The following CLSTN2 variants were observed in gnomAD, a reference collection of about 807,000 sequenced individuals.
CLSTN2 encodes the protein calsyntenin-2.
A neutral mutation model predicts 101.2 loss-of-function variants in CLSTN2; 48 were observed. The ratio of observed to expected loss-of-function variants is 0.47; its 90% CI spans 0.38 to 0.60. The LOEUF (loss-of-function observed/expected upper bound fraction) is 0.60, where lower values mean the gene tolerates loss of function less well. Among genes scored for constraint, CLSTN2 ranks in the 20% least tolerant of loss-of-function variants. The pLI, the probability that CLSTN2 is intolerant of heterozygous loss-of-function variation, is 0.00. For missense variants in CLSTN2, 1,160 were observed against 1,238.2 expected (o/e 0.94, Z 0.95); for synonymous variants, 481 against 463.6 (o/e 1.04, Z -0.48).
At chr3:140,119,004 A>G (rs993218889) in intron 1 of CLSTN2, among the ~76,000 whole-genome samples, 5 of 152,200 alleles carry the variant, frequency 3.3e-5, no homozygotes, top group African/African-American at 9.7e-5. Flanking sequence ...ATAGCAGAGC[A>G]GGCAGGTGGG....
intron 2 of CLSTN2, among the ~76,000 whole-genome samples, chr3:140,295,314 A>G (rs2086992907): frequency 6.6e-6 from 1 of 152,170 alleles, no homozygotes; most frequent in Non-Finnish European, 1.5e-5. Context: ...CTTTGAAATC[A>G]GCTTGTATAG....
At chr3:140,152,650 G>A (rs1308443121) in intron 1 of CLSTN2, among the ~76,000 whole-genome samples, 6 of 152,160 alleles carry the variant, frequency 3.9e-5, no homozygotes, top group Non-Finnish European at 8.8e-5. Flanking sequence ...CGTTCTATTA[G>A]TGCAGTCTCA....
intron 2 of CLSTN2, among the ~76,000 whole-genome samples, chr3:140,267,037 T>A (rs557532577): frequency 3.9e-5 from 6 of 152,168 alleles, no homozygotes; most frequent in Non-Finnish European, 7.3e-5. Context: ...GAGACCTGTG[T>A]TTTTTATTCC....
intron 1 of CLSTN2, among the ~76,000 whole-genome samples, chr3:140,061,162 C>T (rs941592426): frequency 3.3e-5 from 5 of 152,186 alleles, no homozygotes; most frequent in African/African-American, 1.2e-4. Context: ...TGGTCATTTT[C>T]TCAAAGTGAG....
At chr3:140,163,491 T>C (rs966904070) in intron 1 of CLSTN2, among the ~76,000 whole-genome samples, 2 of 151,630 alleles carry the variant, frequency 1.3e-5, no homozygotes, top group African/African-American at 2.4e-5. Flanking sequence ...GAGATTGTTA[T>C]GTACTATTGG....
At chr3:139,988,811 T>C (rs2107827196) in intron 1 of CLSTN2, among the ~76,000 whole-genome samples, 1 of 152,336 alleles carries the variant, frequency 6.6e-6, no homozygotes, top group East Asian at 1.9e-4. Context: ...TGCTGGCTGA[T>C]GGGATCCTGC....
intron 2 of CLSTN2, among the ~76,000 whole-genome samples, chr3:140,293,337 T>C (rs931105027): frequency 6.6e-6 from 1 of 152,156 alleles, no homozygotes; most frequent in South Asian, 2.1e-4. Flanking sequence ...GAGCACACTC[T>C]GGTCATTCCT....
intron 2 of CLSTN2, among the ~76,000 whole-genome samples, chr3:140,353,902 C>T (rs552665067): frequency 3.3e-5 from 5 of 152,214 alleles, no homozygotes; most frequent in Admixed American, 6.5e-5. Context: ...AGAGGGACAA[C>T]GCCAAAATGC....
chr3:140,544,435 G>T (rs1364912356), intron 9 of CLSTN2, among the ~76,000 whole-genome samples: 1 of 152,162 alleles, frequency 6.6e-6, no homozygotes, highest in Non-Finnish European at 1.5e-5. Flanking sequence ...AGAAGCTATA[G>T]CCCAGTGGTT....
intron 1 of CLSTN2, among the ~76,000 whole-genome samples, chr3:139,975,770 C>T (rs1935806116): frequency 6.9e-6 from 1 of 145,272 alleles, no homozygotes; most frequent in Admixed American, 6.7e-5. Flanking sequence ...GACAATTTCC[C>T]CACCACCTCT....
chr3:140,490,319 G>A (rs1934328836), intron 8 of CLSTN2, among the ~76,000 whole-genome samples: 1 of 150,548 alleles, frequency 6.6e-6, no homozygotes, highest in South Asian at 2.1e-4. Flanking sequence ...CCTTCCTATT[G>A]GAGTCAGGGC....
chr3:140,242,452 T>G (rs2086478343), intron 2 of CLSTN2, among the ~76,000 whole-genome samples: 1 of 152,116 alleles, frequency 6.6e-6, no homozygotes, highest in Non-Finnish European at 1.5e-5. Flanking sequence ...TTTTTTTACT[T>G]AAAGAGCCAT....
At chr3:140,425,194 A>G (rs1358796067) in intron 5 of CLSTN2, among the ~76,000 whole-genome samples, 1 of 152,214 alleles carries the variant, frequency 6.6e-6, no homozygotes, top group East Asian at 1.9e-4. Context: ...CCCAATCAGC[A>G]TGTCACCCAG....
At chr3:140,377,022 C>CACAG (rs148236356) in intron 2 of CLSTN2, among the ~76,000 whole-genome samples, 84 of 148,774 alleles carry the variant, frequency 5.6e-4, no homozygotes, top group Middle Eastern at 6.9e-3. Context: ...CACACATACA[C>CACAG]AGAGAGAGAG....
intron 2 of CLSTN2, among the ~76,000 whole-genome samples, chr3:140,348,479 A>G (rs1201122805): frequency 6.6e-6 from 1 of 152,174 alleles, no homozygotes; most frequent in African/African-American, 2.4e-5. Context: ...CCCCTACCCC[A>G]GTCACTAACC....
At chr3:140,355,751 G>A (rs941550757) in intron 2 of CLSTN2, among the ~76,000 whole-genome samples, 1 of 152,226 alleles carries the variant, frequency 6.6e-6, no homozygotes, top group African/African-American at 2.4e-5. Flanking sequence ...GGCTGTATCA[G>A]TGGCTGCCTC....
Position 140,419,557 on chromosome 3 carries a change from G to A in CLSTN2, c.638-1568G>A, listed in dbSNP as rs1174565850. On this transcript the variant is annotated intron_variant, in intron 4 of 16. Coordinates refer to ENST00000458420, the MANE Select transcript of CLSTN2 (RefSeq NM_022131.3). ...TATATATATACATATATACGTGTAC[G>A]TATATATGTATATATACATATATAC... 9.4e-5 allele frequency among the ~76,000 whole-genome samples: 5 copies of A among 53,148 alleles called. 1 individual carries two copies. The highest frequency in any genetic ancestry group is 7.8e-4 in the East Asian group (1 of 1,274). The allele number at this position is 53,148 out of a possible 152,430, so 34.9% of individuals were successfully genotyped here. A position where few individuals can be genotyped will look rare whatever the true frequency, so the allele number is the denominator to read the frequency against.
At chr3:140,194,278 G>C (rs2010613281) in intron 2 of CLSTN2, among the ~76,000 whole-genome samples, 2 of 152,078 alleles carry the variant, frequency 1.3e-5, no homozygotes, top group Non-Finnish European at 2.9e-5. Context: ...TCTTTTCACT[G>C]TGTCCTTACA....
intron 1 of CLSTN2, among the ~76,000 whole-genome samples, chr3:140,094,293 C>T (rs745449901): frequency 2.0e-5 from 3 of 152,156 alleles, no homozygotes; most frequent in Non-Finnish European, 4.4e-5. Flanking sequence ...CAGAGCCAAG[C>T]GTCAGACCTG....
Sources: allele counts gnomAD v4.1 joint callset (sites outside exome capture counted in the v4.1 genomes callset), GRCh38; gene constraint gnomAD v4.1.1; transcripts MANE v1.5; gene names NCBI Gene and HGNC (gene_info 2026-07-23, HGNC 2026-07-21).